Variants in BICDL1 observed in about 807,000 individuals in gnomAD.
BICDL1 encodes the protein BICD family like cargo adaptor 1.
BICDL1 carries 20 observed loss-of-function variants against 76.8 expected under a neutral mutation model. That is an observed-to-expected ratio of 0.26 (90% CI 0.18 to 0.38). The LOEUF is 0.38. BICDL1 is among the 10% of genes least tolerant of loss of function. The pLI, the probability that BICDL1 is intolerant of heterozygous loss-of-function variation, is 1.00. For missense variants in BICDL1, 700 were observed against 798.6 expected (o/e 0.88, Z 1.49); for synonymous variants, 383 against 337.1 (o/e 1.14, Z -1.49).
chr12:120,033,406 T>C (rs1024966696), intron 2 of BICDL1, among the ~76,000 whole-genome samples: 1 of 125,074 alleles, frequency 8.0e-6, no homozygotes, highest in African/African-American at 3.2e-5. Flanking sequence ...AGATGGAGTC[T>C]CACTCTGTCG....
chr12:119,990,542 C>T (rs192944534), intron 1 of BICDL1, among the ~76,000 whole-genome samples: 1 of 152,184 alleles, frequency 6.6e-6, no homozygotes. Context: ...GTTCTATATA[C>T]GTACTGTACC....
At chr12:120,020,799 C>T (rs546917937) in intron 2 of BICDL1, among the ~76,000 whole-genome samples, 97 of 152,310 alleles carry the variant, frequency 6.4e-4, no homozygotes, top group Non-Finnish European at 1.2e-3. Context: ...TTAACAAGTG[C>T]TCCATCTTGG....
intron 2 of BICDL1, among the ~76,000 whole-genome samples, chr12:120,054,292 C>A (rs368455448): frequency 3.9e-5 from 6 of 152,124 alleles, no homozygotes; most frequent in African/African-American, 1.4e-4. Flanking sequence ...CCAGGGTGGT[C>A]TGGAACTCCT....
intron 7 of BICDL1, 68 bp downstream of exon 7, chr12:120,074,654 T>C (rs1330219341): frequency 1.0e-6 from 1 of 1,001,546 alleles, no homozygotes; most frequent in South Asian, 3.6e-5. Context: ...TGGGACCCTT[T>C]TGAGTTTCTC....
At chr12:120,066,298 A>G (rs777250995) in intron 4 of BICDL1, among the ~76,000 whole-genome samples, 1 of 152,192 alleles carries the variant, frequency 6.6e-6, no homozygotes, top group Non-Finnish European at 1.5e-5. Flanking sequence ...TTATTACCCT[A>G]TCAAGCTGCT....
At chr12:120,059,400 C>T (rs1214121084) in intron 2 of BICDL1, among the ~76,000 whole-genome samples, 2 of 152,166 alleles carry the variant, frequency 1.3e-5, no homozygotes, top group African/African-American at 4.8e-5. Context: ...CTCAGCCTCC[C>T]GAGTAGCTGG....
intron 2 of BICDL1, among the ~76,000 whole-genome samples, chr12:120,037,702 T>C (rs1462538503): frequency 6.6e-6 from 1 of 152,230 alleles, no homozygotes; most frequent in East Asian, 1.9e-4. Flanking sequence ...TAACTCTTCC[T>C]GAGATGGTGA....
chr12:119,990,014 C>G lies in BICDL1; in HGVS notation c.146C>G (p.Ser49Cys). The G allele has an allele frequency of 1.3e-6, 2 of 1,495,744 alleles. No individual in the cohort carries two copies. The highest frequency in any genetic ancestry group is 1.8e-6 in the Non-Finnish European group (2 of 1,134,028). 92.7% of individuals were successfully genotyped at this position (1,495,744 alleles called of 1,614,324 possible). ...AAAALIFPGG[S>C]GELELALEEE... Reference sequence around the variant, plus strand: ...GCCGCCCTCATCTTCCCCGGGGGCTCCGGGGAGCTAGAACTGGCGTTAGAG... The same window carrying G: ...GCCGCCCTCATCTTCCCCGGGGGCTGCGGGGAGCTAGAACTGGCGTTAGAG... Residue 49 changes from serine to cysteine, a missense_variant, in exon 1 of 10, where the codon TCC becomes TGC. By Grantham distance (112) the Ser-to-Cys change is moderately radical. Transcript: ENST00000548673.
chr12:120,047,149 A>T (rs949708444), intron 2 of BICDL1, among the ~76,000 whole-genome samples: 1 of 152,152 alleles, frequency 6.6e-6, no homozygotes, highest in African/African-American at 2.4e-5. Context: ...GTGGATGTAT[A>T]CCTTCTAAAT....
At chr12:120,056,947 A>G in intron 2 of BICDL1, 1 of 411,784 alleles carries the variant, frequency 2.4e-6, no homozygotes, top group South Asian at 1.9e-5. Context: ...TCTACAGAGC[A>G]GAGGGGAGGC....
intron 2 of BICDL1, among the ~76,000 whole-genome samples, chr12:120,013,732 G>A (rs7953284): frequency 0.086 from 13,085 of 152,160 alleles, 687 homozygotes; most frequent in African/African-American, 0.14. Context: ...GAAGTGCTGG[G>A]ATTACAGGCG....
chr12:120,041,151 CAAAT>C lies in BICDL1; in HGVS notation c.646-20556_646-20553del, dbSNP rs1566237289. 7.2e-5 allele frequency among the ~76,000 whole-genome samples: 11 copies of C among 152,188 alleles called. No individual in the cohort carries two copies. The South Asian group carries it at 2.1e-3, about 29-fold the overall frequency. ...AATAGTTTGTATAAAGTGGATATAA[CAAAT>C]AAGGTAAAACTGAGAGGGAGGAGAA... is the stretch of plus-strand genomic sequence containing the variant. On this transcript the variant is annotated intron_variant, in intron 2 of 9. Coordinates refer to ENST00000548673, the MANE Select transcript of BICDL1 (RefSeq NM_001367886.1).
chr12:120,024,683 CT>C lies in BICDL1; in HGVS notation c.645+25950del, dbSNP rs567736841. Among the ~76,000 whole-genome samples, 777 of 94,696 alleles carry C rather than the reference CT, an allele frequency of 8.2e-3. 3 individuals carry two copies. The highest frequency in any genetic ancestry group is 0.013 in the South Asian group (32 of 2,522). The allele number at this position is 94,696 out of a possible 152,430, so 62.1% of individuals were successfully genotyped here. On this transcript the variant is annotated intron_variant, in intron 2 of 9. Transcript: ENST00000548673. Reference sequence around the variant, plus strand: ...AAATATAATAATTTATTTAAATCCTCTTTCTTTCTTTCTTTCTTTTTTTTAA... The same window carrying C: ...AAATATAATAATTTATTTAAATCCTCTTCTTTCTTTCTTTCTTTTTTTTAA...
Position 120,071,283 on chromosome 12 carries a change from A to C in BICDL1, c.910-339A>C, listed in dbSNP as rs552982575. Reference sequence around the variant, plus strand: ...TCATTCCCCAAGTAGCTGGGATTTCAGGTACCCGCCACCACGCCCAGCTAA... The same window carrying C: ...TCATTCCCCAAGTAGCTGGGATTTCCGGTACCCGCCACCACGCCCAGCTAA... On this transcript the variant is annotated intron_variant, in intron 4 of 9. Coordinates refer to ENST00000548673, the MANE Select transcript of BICDL1 (RefSeq NM_001367886.1). This position sits in a 1 kb window ranked among gnomAD's most constrained non-coding sequence, Gnocchi z 4.8. Among the ~76,000 whole-genome samples, 1 of 151,824 alleles carries C rather than the reference A, an allele frequency of 6.6e-6. No individual in the cohort carries two copies. Among genetic ancestry groups the C allele is most frequent in the Admixed American group, 6.6e-5 (1 of 15,240 alleles).
At chr12:120,026,141 A>G (rs1952296748) in intron 2 of BICDL1, among the ~76,000 whole-genome samples, 1 of 152,196 alleles carries the variant, frequency 6.6e-6, no homozygotes, top group African/African-American at 2.4e-5. Flanking sequence ...CCCGACGCAC[A>G]TTTATTTATT....
chr12:120,091,327 G>C, intron 9 of BICDL1: 1 of 1,017,614 alleles, frequency 9.8e-7, no homozygotes, highest in Non-Finnish European at 1.2e-6. Flanking sequence ...AGGGCGACCT[G>C]GACAGACCTG....
At chr12:120,045,678 C>T (rs1032235842) in intron 2 of BICDL1, among the ~76,000 whole-genome samples, 2 of 149,824 alleles carry the variant, frequency 1.3e-5, no homozygotes, top group South Asian at 4.2e-4. Context: ...AACAAAAAAC[C>T]AGACACCGCA....
chr12:120,087,970 C>T (rs1238118912), intron 8 of BICDL1, among the ~76,000 whole-genome samples: 6 of 152,168 alleles, frequency 3.9e-5, no homozygotes, highest in Admixed American at 2.0e-4. Flanking sequence ...GCTCTTGTTG[C>T]CCAGGCTGGA....
intron 8 of BICDL1, among the ~76,000 whole-genome samples, chr12:120,088,017 C>T (rs1424610212): frequency 5.3e-5 from 8 of 152,060 alleles, no homozygotes; most frequent in African/African-American, 1.9e-4. Context: ...GTAACCTCCG[C>T]CTCCTGGATT....
Sources: gnomAD v4.1 joint callset for allele counts (sites outside exome capture counted in the v4.1 genomes callset) on GRCh38, gnomAD v4.1.1 for gene constraint, Gnocchi (gnomAD v3.1) non-coding constraint, MANE v1.5 for transcripts, NCBI Gene and HGNC (gene_info 2026-07-23, HGNC 2026-07-21) for gene names.